DTWD2: variants seen among roughly 807,000 people sequenced by gnomAD.
DTWD2 encodes DTW motif tRNA-uridine aminocarboxypropyltransferase 2.
A neutral mutation model predicts 31.8 loss-of-function variants in DTWD2; 39 were observed. The observed-to-expected ratio is 1.22, with a 90% CI of 0.95 to 1.60. DTWD2 has a LOEUF of 1.60. Ranked by LOEUF, DTWD2 falls within the 40% of genes most tolerant of loss-of-function variation. The pLI is 0.00. For synonymous variants in DTWD2, 180 were observed against 142.8 expected (o/e 1.26, Z -1.86); for missense variants, 515 against 381.5 (o/e 1.35, Z -2.92).
chr5:118,926,136 G>A (rs934648442), intron 4 of DTWD2, among the ~76,000 whole-genome samples: 5 of 152,084 alleles, frequency 3.3e-5, no homozygotes, highest in African/African-American at 2.4e-5. Context: ...CTGCAAAGAC[G>A]TGGAACCAAT....
chr5:118,967,455 G>C (rs1369437742), intron 1 of DTWD2, among the ~76,000 whole-genome samples: 1 of 152,130 alleles, frequency 6.6e-6, no homozygotes, highest in Non-Finnish European at 1.5e-5. Context: ...AAAAGTGGTT[G>C]ATTCTAGGGC....
intron 5 of DTWD2, among the ~76,000 whole-genome samples, chr5:118,847,791 C>T (rs926559347): frequency 6.6e-6 from 1 of 151,818 alleles, no homozygotes; most frequent in Admixed American, 6.6e-5. Context: ...AGAGAAAACA[C>T]TAAAAGAAAA....
chr5:118,853,148 C>T (rs1047176026), intron 4 of DTWD2, among the ~76,000 whole-genome samples: 1 of 152,156 alleles, frequency 6.6e-6, no homozygotes, highest in Non-Finnish European at 1.5e-5. Flanking sequence ...CATTCATACC[C>T]TAAACCTCAG....
intron 4 of DTWD2, among the ~76,000 whole-genome samples, chr5:118,850,097 T>C (rs1274025052): frequency 1.3e-5 from 2 of 151,816 alleles, no homozygotes; most frequent in African/African-American, 4.8e-5. Context: ...AGTCAATAAA[T>C]GGTGCTGGGA....
At chr5:118,941,876 T>C (rs1224730780) in intron 2 of DTWD2, among the ~76,000 whole-genome samples, 3 of 152,230 alleles carry the variant, frequency 2.0e-5, no homozygotes, top group Non-Finnish European at 4.4e-5. Context: ...CCATTCTAAC[T>C]GGTGTGAGAT....
intron 2 of DTWD2, among the ~76,000 whole-genome samples, chr5:118,944,358 A>G (rs1413737493): frequency 6.6e-6 from 1 of 152,232 alleles, no homozygotes; most frequent in Non-Finnish European, 1.5e-5. Flanking sequence ...ATTTTGTGAA[A>G]TGGTATCTCT....
chr5:118,925,844 C>CA (rs568583331), intron 4 of DTWD2, among the ~76,000 whole-genome samples: 2,740 of 136,438 alleles, frequency 0.02, 29 homozygotes, highest in Middle Eastern at 0.038. Context: ...GACTCCATCT[C>CA]AAAAAAAAAA....
chr5:118,881,470 T>C (rs779361621), intron 4 of DTWD2, among the ~76,000 whole-genome samples: 7 of 152,188 alleles, frequency 4.6e-5, no homozygotes, highest in Non-Finnish European at 1.0e-4. Flanking sequence ...TATTTGAAAC[T>C]GATATATTTC....
At chr5:118,898,800 CA>C (rs1334107950) in intron 4 of DTWD2, among the ~76,000 whole-genome samples, 1 of 151,844 alleles carries the variant, frequency 6.6e-6, no homozygotes, top group African/African-American at 2.4e-5. Context: ...ATTTTAATCA[CA>C]AAAAAATTGT....
At chr5:118,899,058 T>C (rs1400960835) in intron 4 of DTWD2, among the ~76,000 whole-genome samples, 1 of 152,246 alleles carries the variant, frequency 6.6e-6, no homozygotes, top group Non-Finnish European at 1.5e-5. Context: ...AGTGATGCTG[T>C]ATCTTGTTTC....
chr5:118,948,569 C>G (rs1754390869), intron 1 of DTWD2, among the ~76,000 whole-genome samples: 1 of 152,070 alleles, frequency 6.6e-6, no homozygotes, highest in Non-Finnish European at 1.5e-5. Flanking sequence ...CCAGGTGGAT[C>G]AGAGAGACAC....
intron 4 of DTWD2, among the ~76,000 whole-genome samples, chr5:118,892,995 G>A (rs1446301327): frequency 3.3e-5 from 5 of 151,172 alleles, no homozygotes; most frequent in African/African-American, 1.2e-4. Flanking sequence ...TATGGGAGTG[G>A]TTACTAGGAA....
chr5:118,893,802 A>G (rs1028863121), intron 4 of DTWD2, among the ~76,000 whole-genome samples: 3 of 152,192 alleles, frequency 2.0e-5, no homozygotes, highest in African/African-American at 7.2e-5. Context: ...GATAGCCTCT[A>G]GAATCCGGGA....
chr5:118,946,254 T>C (rs77320482), intron 1 of DTWD2, among the ~76,000 whole-genome samples: 2,870 of 152,296 alleles, frequency 0.019, 85 homozygotes, highest in African/African-American at 0.066. Flanking sequence ...TCTGAGATGA[T>C]TTCCAATGAT....
chr5:118,888,586 G>C (rs1364898413), intron 4 of DTWD2, among the ~76,000 whole-genome samples: 2 of 152,318 alleles, frequency 1.3e-5, no homozygotes, highest in Middle Eastern at 6.8e-3. Context: ...TCTTTGTATA[G>C]ACATATACTT....
intron 4 of DTWD2, among the ~76,000 whole-genome samples, chr5:118,876,885 G>A (rs956635590): frequency 6.6e-6 from 1 of 152,184 alleles, no homozygotes; most frequent in African/African-American, 2.4e-5. Context: ...TGCAAGGCCA[G>A]CATCATCGTG....
intron 4 of DTWD2, among the ~76,000 whole-genome samples, chr5:118,902,688 C>T (rs531878194): frequency 6.6e-6 from 1 of 151,844 alleles, no homozygotes; most frequent in South Asian, 2.1e-4. Flanking sequence ...AAGCCTGTTA[C>T]TCTCTATGGC....
At chr5:118,983,601 T>C (rs777367845) in intron 1 of DTWD2, among the ~76,000 whole-genome samples, 1 of 152,172 alleles carries the variant, frequency 6.6e-6, no homozygotes, top group Non-Finnish European at 1.5e-5. Flanking sequence ...GGTAATGATA[T>C]GTGGAATTAA....
At chr5:118,958,732 T>C (rs774077018) in intron 1 of DTWD2, among the ~76,000 whole-genome samples, 9 of 151,692 alleles carry the variant, frequency 5.9e-5, no homozygotes, top group Non-Finnish European at 1.3e-4. Context: ...CAGCAGCACA[T>C]CAAAAACAAA....
Sources: gnomAD v4.1 joint callset for allele counts (sites outside exome capture counted in the v4.1 genomes callset) on GRCh38, gnomAD v4.1.1 for gene constraint, MANE v1.5 for transcripts, NCBI Gene and HGNC (gene_info 2026-07-23, HGNC 2026-07-21) for gene names.